Variants in MMS22L observed in about 807,000 individuals in gnomAD.
The protein encoded by MMS22L is MMS22 like, DNA repair protein, also known as protein MMS22-like.
In MMS22L, 74 loss-of-function variants were observed where a neutral mutation model predicts 159.1. That is an observed-to-expected ratio of 0.47 (90% CI 0.39 to 0.56). The LOEUF (loss-of-function observed/expected upper bound fraction) is 0.56, where lower values mean the gene tolerates loss of function less well. Ranked by LOEUF, MMS22L falls within the 20% of genes least tolerant of loss-of-function variation. The pLI is 0.00. For synonymous variants in MMS22L, 517 were observed against 506.9 expected, an observed-to-expected ratio of 1.02 and a Z score of -0.27; for missense variants, 1,351 against 1,422.1, an observed-to-expected ratio of 0.95 and a Z score of 0.80.
intron 6 of MMS22L, 103 bp downstream of exon 6, chr6:97,272,601 G>A: frequency 9.6e-7 from 1 of 1,046,860 alleles, no homozygotes; most frequent in Non-Finnish European, 1.4e-6. Context: ...AGGCAGTCAG[G>A]TTCCAGAGCT....
intron 10 of MMS22L, among the ~76,000 whole-genome samples, chr6:97,248,014 T>C (rs746450850): frequency 6.6e-6 from 1 of 152,192 alleles, no homozygotes; most frequent in African/African-American, 2.4e-5. Flanking sequence ...CCAGTGACCT[T>C]TGTCTCCTGG....
At chr6:97,157,392 A>G (rs1206137) in intron 22 of MMS22L, among the ~76,000 whole-genome samples, 83,051 of 151,922 alleles carry the variant, frequency 0.55, 23,589 homozygotes, top group African/African-American at 0.7. Context: ...TCCTTGTCTT[A>G]TGCCAGTTTT....
Position 97,207,521 on chromosome 6 carries a change from A to G in MMS22L, c.2040-20831T>C, listed in dbSNP as rs75838396. On this transcript the variant is annotated intron_variant, in intron 14 of 24. Coordinates refer to ENST00000683635, the MANE Select transcript of MMS22L (RefSeq NM_001350599.2). ...TTAAAGGTCATCACCCTATTTCAAA[A>G]GGGAACTCTCAGAAGCTGTAAAGCA... 2.0e-3 allele frequency among the ~76,000 whole-genome samples: 299 copies of G among 152,284 alleles called. 5 individuals carry two copies. In the East Asian group the frequency reaches 0.02, roughly 10 times the overall value.
chr6:97,270,399 C>A, intron 6 of MMS22L: 1 of 386,804 alleles, frequency 2.6e-6, no homozygotes, highest in Non-Finnish European at 5.0e-6. Flanking sequence ...AATATTTTAA[C>A]AAAAGAACTT....
chr6:97,201,883 C>T (rs1331110137), intron 14 of MMS22L, among the ~76,000 whole-genome samples: 1 of 152,188 alleles, frequency 6.6e-6, no homozygotes, highest in African/African-American at 2.4e-5. Context: ...TGGTACACAT[C>T]TTGTCCATTA....
At chr6:97,256,384 T>C (rs1813813129) in intron 9 of MMS22L, among the ~76,000 whole-genome samples, 1 of 152,146 alleles carries the variant, frequency 6.6e-6, no homozygotes, top group African/African-American at 2.4e-5. Context: ...ATATTACTGA[T>C]TTATACAAAA....
intron 10 of MMS22L, among the ~76,000 whole-genome samples, chr6:97,249,335 A>T (rs969717524): frequency 6.6e-6 from 1 of 152,170 alleles, no homozygotes; most frequent in African/African-American, 2.4e-5. Flanking sequence ...GCTGATGTTA[A>T]TTTATATCCT....
At chr6:97,209,007 C>G (rs1461385410) in intron 14 of MMS22L, among the ~76,000 whole-genome samples, 2 of 152,000 alleles carry the variant, frequency 1.3e-5, no homozygotes, top group African/African-American at 4.8e-5. Flanking sequence ...CACATCCAAC[C>G]TCTTTCAAGA....
rs1210856565 is a variant in MMS22L at position 97,144,634 on chromosome 6, A to G, written c.*2172T>C. Reference sequence around the variant, plus strand: ...GCAGCAGCCTCAGAAATTACAGGGTATTTAGGGAAAGTGGCTATTAAAGAA... The same window carrying G: ...GCAGCAGCCTCAGAAATTACAGGGTGTTTAGGGAAAGTGGCTATTAAAGAA... On this transcript the variant is annotated 3_prime_UTR_variant, in exon 25 of 25. Coordinates refer to ENST00000683635, the MANE Select transcript of MMS22L (RefSeq NM_001350599.2). 6.6e-6 allele frequency: 1 copy of G among 152,158 alleles called. No homozygotes were observed. The highest frequency in any genetic ancestry group is 2.4e-5 in the African/African-American group (1 of 41,436). The allele number at this position is 152,158 out of a possible 1,614,324, so 9.4% of individuals were successfully genotyped here.
intron 14 of MMS22L, among the ~76,000 whole-genome samples, chr6:97,223,781 A>C (rs1290293609): frequency 6.6e-6 from 1 of 152,158 alleles, no homozygotes; most frequent in African/African-American, 2.4e-5. Flanking sequence ...AAATGCTAAA[A>C]ACTGATGGGA....
At chr6:97,246,559 T>C (rs1812663243) in intron 11 of MMS22L, 69 bp downstream of exon 11, 3 of 1,308,854 alleles carry the variant, frequency 2.3e-6, no homozygotes, top group Non-Finnish European at 3.2e-6. Flanking sequence ...GCTTGCTTGG[T>C]TTTAAAAATA....
intron 14 of MMS22L, among the ~76,000 whole-genome samples, chr6:97,207,665 C>T (rs1807926677): frequency 6.6e-6 from 1 of 152,078 alleles, no homozygotes; most frequent in Non-Finnish European, 1.5e-5. Flanking sequence ...TGCACTAAGG[C>T]TTAATTAACC....
At chr6:97,162,501 TCTC>T (rs1802553716) in intron 21 of MMS22L, among the ~76,000 whole-genome samples, 1 of 151,794 alleles carries the variant, frequency 6.6e-6, no homozygotes, top group South Asian at 2.1e-4. Flanking sequence ...ACAAGTCTGA[TCTC>T]CTCCATTGGG....
chr6:97,215,611 A>G (rs1397740836), intron 14 of MMS22L, among the ~76,000 whole-genome samples: 2 of 152,158 alleles, frequency 1.3e-5, no homozygotes, highest in Non-Finnish European at 2.9e-5. Context: ...TTAGCTCAAG[A>G]GTAATGAGCA....
In MMS22L at chr6:97,173,219, C is replaced by G; in HGVS notation, c.2683G>C (p.Val895Leu). 1.2e-6 allele frequency: 2 copies of G among 1,610,528 alleles called. No individual in the cohort carries two copies. The highest frequency in any genetic ancestry group is 1.7e-6 in the Non-Finnish European group (2 of 1,179,102). The change falls in exon 19 of 25, where the codon GTT (valine) becomes CTT (leucine). Residue 895 changes from valine to leucine, a missense_variant. Transcript: ENST00000683635. ...KKALVRFFEA[V>L]GVTYGNVQTL... is the part of the protein sequence containing the mutation. ...TGGACGTTCCCGTAAGTTACACCAA[C>G]AGCCTATAAATAAAGAAAAACATTA...
At chr6:97,196,915 G>A (rs891514287) in intron 14 of MMS22L, among the ~76,000 whole-genome samples, 13 of 151,982 alleles carry the variant, frequency 8.6e-5, no homozygotes, top group Non-Finnish European at 1.5e-5. Context: ...TTTTGCCAAT[G>A]CTTAAGCGTT....
chr6:97,244,218 A>C (rs531357234), intron 11 of MMS22L, among the ~76,000 whole-genome samples: 102 of 152,278 alleles, frequency 6.7e-4, no homozygotes, highest in Non-Finnish European at 1.4e-3. Flanking sequence ...TGGCACTTTC[A>C]AGAGGGCATC....
At chr6:97,201,015 G>A (rs1807091359) in intron 14 of MMS22L, among the ~76,000 whole-genome samples, 1 of 152,046 alleles carries the variant, frequency 6.6e-6, no homozygotes, top group Non-Finnish European at 1.5e-5. Flanking sequence ...TAGATTGACT[G>A]TTGCTGTAGT....
chr6:97,231,330 T>G, intron 13 of MMS22L, 96 bp downstream of exon 13: 1 of 856,534 alleles, frequency 1.2e-6, no homozygotes, highest in South Asian at 1.6e-5. Flanking sequence ...TATAACTAAT[T>G]AAGACTCTAA....
Sources: allele counts gnomAD v4.1 joint callset (sites outside exome capture counted in the v4.1 genomes callset), GRCh38; gene constraint gnomAD v4.1.1; transcripts MANE v1.5; gene names NCBI Gene and HGNC (gene_info 2026-07-23, HGNC 2026-07-21).